The following DOCK10 variants were observed in gnomAD, a reference collection of about 807,000 sequenced individuals.
The protein encoded by DOCK10 is dedicator of cytokinesis protein 10.
DOCK10 carries 145 observed loss-of-function variants against 280.1 expected under a neutral mutation model. The observed-to-expected ratio is 0.52, with a 90% CI of 0.45 to 0.59. DOCK10 has a LOEUF of 0.59. DOCK10 is among the 20% of genes least tolerant of loss of function. The pLI is 0.00. For missense variants in DOCK10, 2,368 were observed against 2,651.7 expected (o/e 0.89, Z 2.35); for synonymous variants, 915 against 942.2 (o/e 0.97, Z 0.53).
chr2:224,769,309 C>G (rs2124936546), intron 55 of DOCK10, among the ~76,000 whole-genome samples: 1 of 152,286 alleles, frequency 6.6e-6, no homozygotes, highest in Middle Eastern at 3.4e-3. Flanking sequence ...ATGGGAAATG[C>G]AATTAGAAAA....
intron 28 of DOCK10, 109 bp from the exon 29 acceptor site, chr2:224,819,638 G>T: frequency 1.5e-6 from 1 of 671,290 alleles, no homozygotes. Context: ...AACTAAATGT[G>T]TTGTATAATT....
intron 55 of DOCK10, 84 bp from the exon 56 acceptor site, chr2:224,765,921 G>C: frequency 1.0e-6 from 1 of 974,192 alleles, no homozygotes; most frequent in East Asian, 2.8e-5. Context: ...CCAGAATAGA[G>C]GTTTTCATTC....
At chr2:224,921,112 A>AAAAAAAAAATATATATAT in intron 2 of DOCK10, among the ~76,000 whole-genome samples, 2 of 54,424 alleles carry the variant, frequency 3.7e-5, no homozygotes, top group African/African-American at 3.1e-4. Context: ...AAAAAAAAAA[A>AAAAAAAAAATATATATAT]ATATATATAT....
chr2:224,798,729 T>C (rs574460526), intron 41 of DOCK10, among the ~76,000 whole-genome samples: 197 of 151,770 alleles, frequency 1.3e-3, no homozygotes, highest in African/African-American at 4.4e-3. Flanking sequence ...CTTCCAGGGC[T>C]CCAGTGATCC....
intron 2 of DOCK10, among the ~76,000 whole-genome samples, chr2:224,930,608 C>A (rs1702303006): frequency 6.6e-6 from 1 of 151,902 alleles, no homozygotes; most frequent in African/African-American, 2.4e-5. Flanking sequence ...AGAAGCCAGA[C>A]CTGCCCTCAA....
At chr2:224,819,139 G>A (rs1265010666) in intron 29 of DOCK10, among the ~76,000 whole-genome samples, 1 of 152,170 alleles carries the variant, frequency 6.6e-6, no homozygotes, top group Non-Finnish European at 1.5e-5. Flanking sequence ...GACTTTCAGT[G>A]CTGAAACCAA....
intron 1 of DOCK10, among the ~76,000 whole-genome samples, chr2:225,016,041 G>A (rs903381394): frequency 1.3e-5 from 2 of 152,184 alleles, no homozygotes; most frequent in African/African-American, 2.4e-5. Flanking sequence ...GGGATAGCAT[G>A]TGCTAAAATT....
intron 1 of DOCK10, among the ~76,000 whole-genome samples, chr2:225,001,189 T>C (rs896418149): frequency 6.6e-6 from 1 of 152,120 alleles, no homozygotes; most frequent in East Asian, 1.9e-4. Flanking sequence ...ATTCAGGGTA[T>C]ATGCATTTAT....
intron 3 of DOCK10, among the ~76,000 whole-genome samples, chr2:224,904,676 TAAGAG>T (rs1427218168): frequency 6.6e-6 from 1 of 152,190 alleles, no homozygotes; most frequent in Non-Finnish European, 1.5e-5. Flanking sequence ...AATCAACTAG[TAAGAG>T]ACATTCTTAT....
chr2:224,800,274 C>T lies in DOCK10; in HGVS notation c.4394-11G>A, dbSNP rs367759915. The T allele has an allele frequency of 6.5e-5, 99 of 1,531,536 alleles. No individual in the cohort carries two copies. The highest frequency in any genetic ancestry group is 1.2e-4 in the Admixed American group (7 of 58,458). 94.9% of individuals were successfully genotyped at this position (1,531,536 alleles called of 1,614,324 possible). A position where few individuals can be genotyped will look rare whatever the true frequency, so the allele number is the denominator to read the frequency against. On this transcript the variant is annotated splice_polypyrimidine_tract_variant and intron_variant, in intron 40 of 55. Coordinates refer to ENST00000258390, the MANE Select transcript of DOCK10 (RefSeq NM_014689.3). ...TTTCATTGGAGTTGCCTATAAAATACAAAATAAAACATGCGTAAAAGTCTA... is the reference window on the plus strand; with the variant it reads ...TTTCATTGGAGTTGCCTATAAAATATAAAATAAAACATGCGTAAAAGTCTA...
chr2:224,950,603 T>G lies in DOCK10; in HGVS notation c.124-18935A>C, dbSNP rs76992716. ...GGTAATATGAGTGAGGGAAAAAGGGTGGTAAGAAGGGAGGGTTTCCCCCCT... is the reference window on the plus strand; with the variant it reads ...GGTAATATGAGTGAGGGAAAAAGGGGGGTAAGAAGGGAGGGTTTCCCCCCT... On this transcript the variant is annotated intron_variant, in intron 1 of 55. Coordinates refer to ENST00000258390, the MANE Select transcript of DOCK10 (RefSeq NM_014689.3). Among the ~76,000 whole-genome samples the G allele has an allele frequency of 6.2e-3, 938 of 151,932 alleles. 12 individuals carry two copies. Among genetic ancestry groups the G allele is most frequent in the African/African-American group, 0.02 (830 of 41,442 alleles).
At chr2:225,008,678 A>C (rs1005179270) in intron 1 of DOCK10, among the ~76,000 whole-genome samples, 1 of 152,172 alleles carries the variant, frequency 6.6e-6, no homozygotes, top group Admixed American at 6.6e-5. Flanking sequence ...TGAAAAAAAT[A>C]TTGAGACTGG....
chr2:224,840,409 A>G (rs1463366026), intron 23 of DOCK10, among the ~76,000 whole-genome samples: 2 of 152,240 alleles, frequency 1.3e-5, no homozygotes, highest in Non-Finnish European at 2.9e-5. Flanking sequence ...CAAACAACTC[A>G]ATAGTAAGAA....
chr2:225,027,719 T>C (rs1299240180), intron 1 of DOCK10, among the ~76,000 whole-genome samples: 2 of 152,206 alleles, frequency 1.3e-5, no homozygotes, highest in African/African-American at 2.4e-5. Context: ...GATGCCACCA[T>C]GCTTCCTGTA....
chr2:225,035,340 A>G (rs762751553), intron 1 of DOCK10, among the ~76,000 whole-genome samples: 13 of 151,656 alleles, frequency 8.6e-5, no homozygotes, highest in Non-Finnish European at 1.9e-4. Flanking sequence ...CTTTAACTCT[A>G]TGGAAGCCCA....
rs1227756449 is a variant in DOCK10, at chr2:224,787,306, A to G, written c.5510T>C (p.Ile1837Thr). Residue 1837 changes from isoleucine to threonine, a missense_variant, in exon 49 of 56, where the codon ATT (isoleucine) becomes ACT (threonine). Coordinates refer to ENST00000258390, the MANE Select transcript of DOCK10 (RefSeq NM_014689.3). ...ELIADVNKPI[I>T]AVFEKQRDFK... ...GTCTCGTTGTTTCTCAAAGACAGCA[A>G]TGATGGGCTTGTTGACATCAGCAAT... The G allele has an allele frequency of 6.2e-7, 1 of 1,613,922 alleles. No individual in the cohort carries two copies. Among genetic ancestry groups the G allele is most frequent in the African/African-American group, 1.3e-5 (1 of 74,934 alleles).
In DOCK10 at chr2:224,845,304, G is replaced by A. The variant is rs1486427339; in HGVS notation, c.2380C>T (p.Leu794=). The part of the protein sequence containing the change: ...ETSVGYAWLP[L]MKHDQIASQE... ...GAAGCTATCTGATCGTGTTTCATCA[G>A]AGGAAGCCAAGCATATCCAACTGTG... Residue 794 remains leucine, a synonymous_variant, in exon 21 of 56, where the codon CTG becomes TTG. Transcript: ENST00000258390. 6.3e-7 allele frequency: 1 copy of A among 1,591,490 alleles called. No homozygotes were observed. The highest frequency in any genetic ancestry group is 8.6e-7 in the Non-Finnish European group (1 of 1,167,798).
chr2:224,952,983 C>T (rs549192210), intron 1 of DOCK10, among the ~76,000 whole-genome samples: 20 of 152,254 alleles, frequency 1.3e-4, no homozygotes, highest in African/African-American at 4.8e-4. Context: ...TCTAAGCAAC[C>T]GGGGGGCAGA....
rs182777812 is a variant in DOCK10 at position 225,027,836 on chromosome 2, A to G, written c.123+14416T>C. On this transcript the variant is annotated intron_variant, in intron 1 of 55. Coordinates refer to ENST00000258390, the MANE Select transcript of DOCK10 (RefSeq NM_014689.3). ...GGGAGAACAGACTAACACAATCCTC[A>G]TAAGAATTTTGTGTCTACTAATTTT... is the stretch of plus-strand genomic sequence containing the variant. Among the ~76,000 whole-genome samples, 590 of 152,300 alleles carry G rather than the reference A, an allele frequency of 3.9e-3. 2 individuals are homozygous for G. Among genetic ancestry groups the G allele is most frequent in the African/African-American group, 0.014 (562 of 41,568 alleles).
Sources: allele counts gnomAD v4.1 joint callset (sites outside exome capture counted in the v4.1 genomes callset), GRCh38; gene constraint gnomAD v4.1.1; transcripts MANE v1.5; gene names NCBI Gene and HGNC (gene_info 2026-07-23, HGNC 2026-07-21).